The following ZHX3 variants were observed in gnomAD, a reference collection of about 807,000 sequenced individuals.
ZHX3 encodes the protein zinc fingers and homeoboxes 3, also known as zinc fingers and homeoboxes protein 3.
ZHX3 carries 20 observed loss-of-function variants against 64.5 expected under a neutral mutation model. That is an observed-to-expected ratio of 0.31 (90% CI 0.22 to 0.45). The LOEUF is 0.45. Ranked by LOEUF, ZHX3 falls within the 20% of genes least tolerant of loss-of-function variation. The pLI is 1.00. For missense variants in ZHX3, 1,041 were observed against 1,195.8 expected, an observed-to-expected ratio of 0.87 and a Z score of 1.91; for synonymous variants, 423 against 461.6, an observed-to-expected ratio of 0.92 and a Z score of 1.07.
At chr20:41,317,418 C>G (rs117951208) in intron 1 of ZHX3, 91 bp downstream of exon 1, 10,735 of 151,778 alleles carry the variant, frequency 0.071, 411 homozygotes, top group Middle Eastern at 0.17. Context: ...CTCGCGCAGA[C>G]ACAGGGTCTG....
chr20:41,301,083 G>C (rs1157452122), intron 1 of ZHX3, among the ~76,000 whole-genome samples: 1 of 152,166 alleles, frequency 6.6e-6, no homozygotes, highest in Non-Finnish European at 1.5e-5. Flanking sequence ...CAGGAGGTGA[G>C]GAAGTAGAGA....
intron 1 of ZHX3, among the ~76,000 whole-genome samples, chr20:41,289,380 G>C (rs1445967336): frequency 6.6e-6 from 1 of 152,140 alleles, no homozygotes; most frequent in Non-Finnish European, 1.5e-5. Flanking sequence ...GTTGTTTAAT[G>C]TAACTATGCC....
intron 1 of ZHX3, among the ~76,000 whole-genome samples, chr20:41,276,863 G>A (rs75097767): frequency 0.071 from 10,807 of 152,218 alleles, 411 homozygotes; most frequent in Middle Eastern, 0.17. Context: ...CTACATACCT[G>A]TCAGCATAAG....
intron 1 of ZHX3, among the ~76,000 whole-genome samples, chr20:41,282,309 G>A (rs1051067358): frequency 1.2e-4 from 17 of 146,676 alleles, no homozygotes; most frequent in African/African-American, 3.5e-4. Context: ...ATTTTTATGC[G>A]TATTTAACAC....
chr20:41,278,440 T>A (rs1392956835), intron 1 of ZHX3, among the ~76,000 whole-genome samples: 4 of 140,978 alleles, frequency 2.8e-5, no homozygotes, highest in Non-Finnish European at 6.2e-5. Context: ...CTGATGCACA[T>A]GCACAATTTT....
At position 41,219,779 on chromosome 20, in the gene ZHX3, G is replaced by C. The variant is rs901096560; in HGVS notation, c.-150-14713C>G. 6.6e-6 allele frequency among the ~76,000 whole-genome samples: 1 copy of C among 152,212 alleles called. No individual in the cohort carries two copies. Among genetic ancestry groups the C allele is most frequent in the African/African-American group, 2.4e-5 (1 of 41,460 alleles). On this transcript the variant is annotated intron_variant, in intron 2 of 3. Transcript: ENST00000683867. The surrounding 1 kb of genome is among the most constrained non-coding windows in gnomAD (Gnocchi z 5.0). Reference sequence around the variant, plus strand: ...GAATTTCCCTGCCTACCTGAAGTTAGGTGAAACCAATGAAACGTGAACAAA... The same window carrying C: ...GAATTTCCCTGCCTACCTGAAGTTACGTGAAACCAATGAAACGTGAACAAA...
chr20:41,186,068 TTTACAATG>T (rs373176923), intron 3 of ZHX3, among the ~76,000 whole-genome samples: 2 of 152,352 alleles, frequency 1.3e-5, no homozygotes, highest in African/African-American at 4.8e-5. Context: ...ATTAAGTACA[TTTACAATG>T]TTATAAAACC....
chr20:41,308,278 C>G (rs975451390), intron 1 of ZHX3, among the ~76,000 whole-genome samples: 22 of 152,154 alleles, frequency 1.4e-4, no homozygotes, highest in African/African-American at 4.8e-4. Context: ...CCTCCACGGC[C>G]ACATTTTCTA....
In ZHX3 at chr20:41,185,399, C is replaced by T. The variant is rs2036434827; in HGVS notation, c.2861-198G>A. ...GTGGGTTAAGGACAGGATGCTGGCT[C>T]AACCTTGTAAGGCCATCAGACTCTC... On this transcript the variant is annotated intron_variant, in intron 3 of 3. Coordinates refer to ENST00000683867, the MANE Select transcript of ZHX3 (RefSeq NM_001384317.1). The surrounding 1 kb of genome is among the most constrained non-coding windows in gnomAD (Gnocchi z 5.0). Among the ~76,000 whole-genome samples the T allele has an allele frequency of 6.7e-6, 1 of 149,390 alleles. No homozygotes were observed. The highest frequency in any genetic ancestry group is 2.5e-5 in the African/African-American group (1 of 39,276).
In ZHX3 at chr20:41,201,567, T is replaced by A. The variant is rs938292526; in HGVS notation, c.2860+490A>T. Among the ~76,000 whole-genome samples, 1 of 152,236 alleles carries A rather than the reference T, an allele frequency of 6.6e-6. No homozygotes were observed. The highest frequency in any genetic ancestry group is 1.5e-5 in the Non-Finnish European group (1 of 68,030). Reference sequence around the variant, plus strand: ...AGGTGATTTTCCATTATACTAAACATTTCTTCTACATCAGGCATAACCAGA... The same window carrying A: ...AGGTGATTTTCCATTATACTAAACAATTCTTCTACATCAGGCATAACCAGA... On this transcript the variant is annotated intron_variant, in intron 3 of 3. Transcript: ENST00000683867. This position sits in a 1 kb window ranked among gnomAD's most constrained non-coding sequence, Gnocchi z 5.0.
intron 2 of ZHX3, among the ~76,000 whole-genome samples, chr20:41,260,179 T>TAA: frequency 6.9e-6 from 1 of 145,770 alleles, no homozygotes; most frequent in African/African-American, 2.6e-5. Context: ...AAGCCAAATG[T>TAA]GAAAAAAAAA....
In ZHX3 at chr20:41,183,169, G is replaced by A. The variant is rs1044940942; in HGVS notation, c.*2022C>T. ...CGAGAATCAAATGAGTATTTATACT[G>A]TATATGTGTGTGTGTATATATATAT... On this transcript the variant is annotated 3_prime_UTR_variant, in exon 4 of 4. Transcript: ENST00000683867. The surrounding 1 kb of genome is among the most constrained non-coding windows in gnomAD (Gnocchi z 5.3). 3.4e-5 allele frequency: 5 copies of A among 147,216 alleles called. No individual in the cohort carries two copies. Among genetic ancestry groups the A allele is most frequent in the South Asian group, 2.1e-4 (1 of 4,764 alleles). 9.1% of individuals were successfully genotyped at this position (147,216 alleles called of 1,614,324 possible).
chr20:41,209,035 A>T (rs569253754), intron 2 of ZHX3, among the ~76,000 whole-genome samples: 28 of 151,092 alleles, frequency 1.9e-4, no homozygotes, highest in Non-Finnish European at 2.7e-4. Context: ...CAAGCATTCC[A>T]ATACACCAAT....
At chr20:41,288,225 G>A (rs756884359) in intron 1 of ZHX3, among the ~76,000 whole-genome samples, 2 of 152,094 alleles carry the variant, frequency 1.3e-5, no homozygotes, top group Non-Finnish European at 2.9e-5. Context: ...TTGCCATGTT[G>A]CCCAGGCTGG....
chr20:41,211,555 A>T (rs981200582), intron 2 of ZHX3, among the ~76,000 whole-genome samples: 2 of 152,170 alleles, frequency 1.3e-5, no homozygotes, highest in Non-Finnish European at 2.9e-5. Flanking sequence ...ATACCTTCTC[A>T]TTTAGTCCAG....
intron 1 of ZHX3, among the ~76,000 whole-genome samples, chr20:41,314,507 C>T (rs139967343): frequency 4.6e-4 from 70 of 152,330 alleles, no homozygotes; most frequent in Middle Eastern, 3.4e-3. Context: ...GAGGCTTACA[C>T]TATCACTATC....
At chr20:41,312,219 A>G (rs2045160116) in intron 1 of ZHX3, among the ~76,000 whole-genome samples, 1 of 152,130 alleles carries the variant, frequency 6.6e-6, no homozygotes, top group South Asian at 2.1e-4. Context: ...TGTAAAACGC[A>G]CCAATCAGCA....
chr20:41,315,148 G>T (rs749635672), intron 1 of ZHX3, among the ~76,000 whole-genome samples: 2 of 152,114 alleles, frequency 1.3e-5, no homozygotes, highest in African/African-American at 4.8e-5. Flanking sequence ...AGTTCTAGGC[G>T]GAGGGAACAG....
intron 2 of ZHX3, among the ~76,000 whole-genome samples, chr20:41,211,270 T>G (rs1329573499): frequency 6.6e-6 from 1 of 152,186 alleles, no homozygotes; most frequent in Non-Finnish European, 1.5e-5. Context: ...ACAATAGTAA[T>G]TCTAATACTA....
Sources: gnomAD v4.1 joint callset for allele counts (sites outside exome capture counted in the v4.1 genomes callset) on GRCh38, gnomAD v4.1.1 for gene constraint, Gnocchi (gnomAD v3.1) non-coding constraint, MANE v1.5 for transcripts, NCBI Gene and HGNC (gene_info 2026-07-23, HGNC 2026-07-21) for gene names.